The following SEZ6L variants were observed in gnomAD, a reference collection of about 807,000 sequenced individuals.
The protein encoded by SEZ6L is seizure related 6 homolog like.
A neutral mutation model predicts 106.2 loss-of-function variants in SEZ6L; 37 were observed. The observed-to-expected ratio is 0.35, with a 90% CI of 0.27 to 0.46. The LOEUF (loss-of-function observed/expected upper bound fraction) is 0.46, where lower values mean the gene tolerates loss of function less well. SEZ6L is among the 20% of genes least tolerant of loss of function. The pLI is 1.00. For synonymous variants in SEZ6L, 541 were observed against 570.4 expected (o/e 0.95, Z 0.73); for missense variants, 1,172 against 1,332.8 (o/e 0.88, Z 1.88).
intron 12 of SEZ6L, among the ~76,000 whole-genome samples, chr22:26,352,030 G>A (rs914947244): frequency 6.6e-6 from 1 of 152,038 alleles, no homozygotes; most frequent in Admixed American, 6.6e-5. Flanking sequence ...GCATGGTGGT[G>A]TACACCTATT....
At chr22:26,187,323 AC>A (rs1438754371) in intron 1 of SEZ6L, among the ~76,000 whole-genome samples, 2 of 151,982 alleles carry the variant, frequency 1.3e-5, no homozygotes, top group Non-Finnish European at 2.9e-5. Flanking sequence ...TGGGGGAACC[AC>A]CCCCATGATC....
intron 1 of SEZ6L, among the ~76,000 whole-genome samples, chr22:26,253,493 A>G (rs990664841): frequency 2.0e-5 from 3 of 152,320 alleles, no homozygotes; most frequent in Middle Eastern, 3.4e-3. Flanking sequence ...TAAAAGTCCT[A>G]GAAGAAAAGA....
chr22:26,282,609 G>C (rs2080807230), intron 1 of SEZ6L, among the ~76,000 whole-genome samples: 1 of 152,162 alleles, frequency 6.6e-6, no homozygotes. Context: ...GCAGGTGAAA[G>C]GTTGGGACCA....
intron 1 of SEZ6L, among the ~76,000 whole-genome samples, chr22:26,185,162 A>T (rs527847145): frequency 4.6e-5 from 7 of 152,352 alleles, no homozygotes; most frequent in Admixed American, 4.6e-4. Context: ...TCTAATGCAC[A>T]CTATGTATGT....
intron 1 of SEZ6L, among the ~76,000 whole-genome samples, chr22:26,237,235 C>T (rs528354659): frequency 1.3e-5 from 2 of 152,200 alleles, no homozygotes; most frequent in Admixed American, 6.5e-5. Context: ...AGCACTGACT[C>T]GCTGCTGAGT....
intron 9 of SEZ6L, among the ~76,000 whole-genome samples, chr22:26,321,545 G>T (rs923898409): frequency 1.3e-5 from 2 of 152,242 alleles, no homozygotes; most frequent in African/African-American, 2.4e-5. Context: ...ACACTTGGCA[G>T]AGTGGCATCT....
intron 1 of SEZ6L, among the ~76,000 whole-genome samples, chr22:26,225,218 T>C (rs1478389540): frequency 6.6e-6 from 1 of 152,168 alleles, no homozygotes; most frequent in African/African-American, 2.4e-5. Flanking sequence ...GGAACTCTGT[T>C]AGGCAGATGA....
chr22:26,312,669 C>T (rs1199807269), intron 8 of SEZ6L, among the ~76,000 whole-genome samples: 1 of 152,208 alleles, frequency 6.6e-6, no homozygotes, highest in Non-Finnish European at 1.5e-5. Context: ...TTCCCGGGTT[C>T]AAGCGATTCT....
At chr22:26,227,441 T>C (rs2078666580) in intron 1 of SEZ6L, among the ~76,000 whole-genome samples, 1 of 152,184 alleles carries the variant, frequency 6.6e-6, no homozygotes, top group Non-Finnish European at 1.5e-5. Flanking sequence ...GAGGTCTCAT[T>C]CTGTTGCCCA....
chr22:26,287,003 C>G (rs983569898), intron 1 of SEZ6L, among the ~76,000 whole-genome samples: 2 of 151,576 alleles, frequency 1.3e-5, no homozygotes, highest in African/African-American at 4.8e-5. Context: ...CCACCTCAGC[C>G]TCCCAAAGTG....
intron 6 of SEZ6L, among the ~76,000 whole-genome samples, chr22:26,306,619 A>C (rs1205811244): frequency 6.6e-6 from 1 of 152,338 alleles, no homozygotes; most frequent in East Asian, 1.9e-4. Context: ...ATATCTAAGC[A>C]AGAGTGTGTC....
intron 10 of SEZ6L, among the ~76,000 whole-genome samples, chr22:26,342,027 G>A (rs1030634384): frequency 2.6e-5 from 4 of 152,254 alleles, no homozygotes; most frequent in South Asian, 2.1e-4. Flanking sequence ...GTTGCTCATC[G>A]GGGCAGAGCC....
chr22:26,358,398 A>T (rs2146039759), intron 12 of SEZ6L, among the ~76,000 whole-genome samples: 1 of 152,362 alleles, frequency 6.6e-6, no homozygotes, highest in South Asian at 2.1e-4. Flanking sequence ...AAGGCTTTTA[A>T]TGAATGGTGT....
intron 1 of SEZ6L, among the ~76,000 whole-genome samples, chr22:26,227,227 C>T (rs909443416): frequency 2.0e-5 from 3 of 152,150 alleles, no homozygotes; most frequent in African/African-American, 4.8e-5. Context: ...TCTTGCTCTG[C>T]AGCTGAAGGC....
intron 1 of SEZ6L, among the ~76,000 whole-genome samples, chr22:26,211,804 T>TAAAAAAA (rs56124325): frequency 2.1e-5 from 1 of 48,080 alleles, no homozygotes; most frequent in Non-Finnish European, 3.7e-5. Context: ...ACCTCGTCTC[T>TAAAAAAA]AAAAAAAAAA....
rs2084452338 is a variant in SEZ6L, at chr22:26,382,829, T to C, written c.*2534T>C. ...GATCAATATTAAAACCCATTGGGAT[T>C]AAATATTTTTGAATAGGATACACTC... On this transcript the variant is annotated 3_prime_UTR_variant, in exon 17 of 17. Transcript: ENST00000248933. The C allele has an allele frequency of 6.6e-6, 1 of 152,170 alleles. No individual in the cohort carries two copies. The highest frequency in any genetic ancestry group is 1.5e-5 in the Non-Finnish European group (1 of 68,032). The allele number at this position is 152,170 out of a possible 1,614,324, so 9.4% of individuals were successfully genotyped here. A position where few individuals can be genotyped will look rare whatever the true frequency, so the allele number is the denominator to read the frequency against.
chr22:26,317,696 G>C (rs2082043895), intron 9 of SEZ6L, among the ~76,000 whole-genome samples: 1 of 152,042 alleles, frequency 6.6e-6, no homozygotes, highest in Non-Finnish European at 1.5e-5. Context: ...CAAGCCACTG[G>C]CATTAGCATC....
intron 1 of SEZ6L, among the ~76,000 whole-genome samples, chr22:26,201,800 A>T (rs1214145723): frequency 6.6e-6 from 1 of 152,148 alleles, no homozygotes; most frequent in Non-Finnish European, 1.5e-5. Flanking sequence ...CTCCAAAAAC[A>T]TTTTCACAGC....
intron 1 of SEZ6L, among the ~76,000 whole-genome samples, chr22:26,227,921 A>G (rs2078682832): frequency 6.6e-6 from 1 of 152,208 alleles, no homozygotes; most frequent in Non-Finnish European, 1.5e-5. Flanking sequence ...GCCCATCTGT[A>G]AAAACGTGCC....
Sources: allele counts gnomAD v4.1 joint callset (sites outside exome capture counted in the v4.1 genomes callset), GRCh38; gene constraint gnomAD v4.1.1; transcripts MANE v1.5; gene names NCBI Gene and HGNC (gene_info 2026-07-23, HGNC 2026-07-21).